The following KIAA1958 variants were observed in gnomAD, a reference collection of about 807,000 sequenced individuals.
KIAA1958 encodes the protein KIAA1958, also known as uncharacterized protein KIAA1958.
A neutral mutation model predicts 47.2 loss-of-function variants in KIAA1958; 14 were observed. The observed-to-expected ratio is 0.30, with a 90% confidence interval of 0.20 to 0.46. The LOEUF (loss-of-function observed/expected upper bound fraction) is 0.46. KIAA1958 is among the 20% of genes least tolerant of loss of function. KIAA1958 has a pLI of 1.00. For missense variants in KIAA1958, 803 were observed against 909.2 expected (o/e 0.88, Z 1.50); for synonymous variants, 354 against 353.3 (o/e 1.00, Z -0.02).
chr9:112,547,700 C>G (rs898248380), intron 1 of KIAA1958, among the ~76,000 whole-genome samples: 1 of 152,184 alleles, frequency 6.6e-6, no homozygotes, highest in Non-Finnish European at 1.5e-5. Context: ...TGAAATGACC[C>G]TGCGAAGCTG....
At chr9:112,515,894 TAAAAAAAAA>T (rs58492221) in intron 1 of KIAA1958, among the ~76,000 whole-genome samples, 1 of 97,126 alleles carries the variant, frequency 1.0e-5, no homozygotes. Flanking sequence ...AAAAATAAAT[TAAAAAAAAA>T]AAAAAAAAAA....
intron 1 of KIAA1958, among the ~76,000 whole-genome samples, chr9:112,542,718 T>G (rs940390654): frequency 5.3e-5 from 8 of 152,202 alleles, no homozygotes; most frequent in Admixed American, 1.3e-4. Context: ...GAACCATTAT[T>G]TATTACTGCA....
chr9:112,550,206 G>A (rs557730369), intron 1 of KIAA1958, among the ~76,000 whole-genome samples: 1 of 150,862 alleles, frequency 6.6e-6, no homozygotes, highest in South Asian at 2.1e-4. Context: ...AGGTAAATCT[G>A]TTGATAAGTA....
chr9:112,650,158 CA>C lies in KIAA1958; in HGVS notation c.1344+4337del, dbSNP rs546843487. On this transcript the variant is annotated intron_variant, in intron 3 of 3. Coordinates refer to ENST00000337530, the MANE Select transcript of KIAA1958 (RefSeq NM_133465.4). Reference sequence around the variant, plus strand: ...AACTGTCAACATAGAATTTTATATTCAGAGGAAATAAAAATAAAGGTGAAAT... The same window carrying C: ...AACTGTCAACATAGAATTTTATATTCGAGGAAATAAAAATAAAGGTGAAAT... Among the ~76,000 whole-genome samples, 26 of 152,046 alleles carry C rather than the reference CA, an allele frequency of 1.7e-4. No individual in the cohort carries two copies. The South Asian group carries it at 5.4e-3, about 32-fold the overall frequency.
At chr9:112,522,046 A>T (rs1465295546) in intron 1 of KIAA1958, among the ~76,000 whole-genome samples, 1 of 151,982 alleles carries the variant, frequency 6.6e-6, no homozygotes, top group Non-Finnish European at 1.5e-5. Context: ...ATCTTGGCTC[A>T]CTGCAACCTC....
chr9:112,487,946 C>T (rs200980278), intron 1 of KIAA1958, among the ~76,000 whole-genome samples: 37 of 145,836 alleles, frequency 2.5e-4, no homozygotes, highest in East Asian at 1.0e-3. Flanking sequence ...AGTGTGTGTG[C>T]GTGTGTGTGT....
chr9:112,630,783 T>C (rs562224280), intron 2 of KIAA1958, among the ~76,000 whole-genome samples: 45 of 152,346 alleles, frequency 3.0e-4, no homozygotes, highest in African/African-American at 1.1e-3. Context: ...AATGCAAATG[T>C]TTTTCTTTCA....
intron 1 of KIAA1958, among the ~76,000 whole-genome samples, chr9:112,547,798 C>T (rs183401679): frequency 6.6e-6 from 1 of 152,190 alleles, no homozygotes; most frequent in Non-Finnish European, 1.5e-5. Context: ...ACTTAACAGT[C>T]TCTGGCACCT....
intron 3 of KIAA1958, among the ~76,000 whole-genome samples, chr9:112,652,977 A>G (rs1564202603): frequency 6.6e-6 from 1 of 152,142 alleles, no homozygotes; most frequent in Non-Finnish European, 1.5e-5. Flanking sequence ...TGTGTTAAAG[A>G]CCCAGTCATA....
intron 2 of KIAA1958, among the ~76,000 whole-genome samples, chr9:112,622,464 A>G (rs749781876): frequency 1.3e-5 from 2 of 152,218 alleles, no homozygotes; most frequent in Admixed American, 6.5e-5. Context: ...CTTGAAAACC[A>G]TAGATGCTAG....
chr9:112,617,832 C>G, intron 2 of KIAA1958: 1 of 1,482,044 alleles, frequency 6.7e-7, no homozygotes, highest in Non-Finnish European at 9.1e-7. Flanking sequence ...CTGAACTCAT[C>G]AACACCCTCT....
intron 2 of KIAA1958, among the ~76,000 whole-genome samples, chr9:112,612,730 C>T (rs559343880): frequency 8.5e-5 from 13 of 152,198 alleles, no homozygotes; most frequent in South Asian, 4.2e-4. Flanking sequence ...ATGTGCAGGG[C>T]GGTAGCAATA....
chr9:112,491,536 T>A (rs1833968847), intron 1 of KIAA1958, among the ~76,000 whole-genome samples: 1 of 152,104 alleles, frequency 6.6e-6, no homozygotes, highest in African/African-American at 2.4e-5. Context: ...TGGCTAGTAA[T>A]TATTAGCTGG....
intron 3 of KIAA1958, among the ~76,000 whole-genome samples, chr9:112,646,371 G>A (rs1836975372): frequency 6.6e-6 from 1 of 152,138 alleles, no homozygotes; most frequent in African/African-American, 2.4e-5. Context: ...GCAGAGAAAG[G>A]GACTATTGTA....
chr9:112,644,420 C>A (rs527679786), intron 2 of KIAA1958, among the ~76,000 whole-genome samples: 1 of 152,308 alleles, frequency 6.6e-6, no homozygotes, highest in African/African-American at 2.4e-5. Flanking sequence ...CTGTTTCCCA[C>A]AGCCCTAGCC....
At chr9:112,654,764 G>A (rs573343469) in intron 3 of KIAA1958, among the ~76,000 whole-genome samples, 1 of 151,544 alleles carries the variant, frequency 6.6e-6, no homozygotes, top group Non-Finnish European at 1.5e-5. Flanking sequence ...TATTTTAACT[G>A]GTTATCACTG....
chr9:112,488,746 T>C (rs1437149919), intron 1 of KIAA1958, among the ~76,000 whole-genome samples: 1 of 152,206 alleles, frequency 6.6e-6, no homozygotes, highest in Non-Finnish European at 1.5e-5. Context: ...GTTTGAAAAT[T>C]AGTAAACAGT....
intron 2 of KIAA1958, among the ~76,000 whole-genome samples, chr9:112,603,264 A>G (rs1173327468): frequency 2.6e-5 from 4 of 152,118 alleles, no homozygotes; most frequent in Admixed American, 2.6e-4. Flanking sequence ...AGGTTTTTGC[A>G]TTTAACATAT....
At chr9:112,638,127 C>T (rs1836835841) in intron 2 of KIAA1958, among the ~76,000 whole-genome samples, 1 of 152,016 alleles carries the variant, frequency 6.6e-6, no homozygotes, top group African/African-American at 2.4e-5. Flanking sequence ...CCAGCCTGGG[C>T]AACAGCGAGA....
Sources: allele counts gnomAD v4.1 joint callset (sites outside exome capture counted in the v4.1 genomes callset), GRCh38; gene constraint gnomAD v4.1.1; transcripts MANE v1.5; gene names NCBI Gene and HGNC (gene_info 2026-07-23, HGNC 2026-07-21).